CDCA7L: variants seen among roughly 807,000 people sequenced by gnomAD.
CDCA7L encodes the protein cell division cycle-associated 7-like protein.
Under a neutral mutation model 57.4 loss-of-function variants are expected in CDCA7L, and 44 were observed. The ratio of observed to expected loss-of-function variants is 0.77; its 90% CI spans 0.60 to 0.98. The LOEUF (loss-of-function observed/expected upper bound fraction) is 0.98, where lower values mean the gene tolerates loss of function less well. Among genes scored for constraint, CDCA7L ranks in the 50% least tolerant of loss-of-function variants. The pLI is 0.00. For synonymous variants in CDCA7L, 236 were observed against 202.8 expected, an observed-to-expected ratio of 1.16 and a Z score of -1.39; for missense variants, 644 against 580.6, an observed-to-expected ratio of 1.11 and a Z score of -1.12.
At chr7:21,938,396 G>T (rs887310889) in intron 1 of CDCA7L, among the ~76,000 whole-genome samples, 2 of 151,904 alleles carry the variant, frequency 1.3e-5, no homozygotes, top group African/African-American at 4.8e-5. Context: ...ATCCAGGAAA[G>T]AACTAGGGCT....
intron 1 of CDCA7L, among the ~76,000 whole-genome samples, chr7:21,925,346 G>A (rs1249961406): frequency 6.6e-6 from 1 of 152,128 alleles, no homozygotes; most frequent in African/African-American, 2.4e-5. Flanking sequence ...GCAACATTTT[G>A]CTTCCATTTT....
At chr7:21,919,571 G>C (rs553534423) in intron 1 of CDCA7L, among the ~76,000 whole-genome samples, 20 of 152,214 alleles carry the variant, frequency 1.3e-4, no homozygotes, top group South Asian at 8.3e-4. Context: ...TCTTTGGACA[G>C]AGCAAGGATA....
At chr7:21,941,290 A>G (rs1212876878) in intron 1 of CDCA7L, among the ~76,000 whole-genome samples, 2 of 152,210 alleles carry the variant, frequency 1.3e-5, no homozygotes, top group Non-Finnish European at 2.9e-5. Flanking sequence ...GAAAACTGTA[A>G]AGATCTCTAC....
At chr7:21,909,188 C>G (rs1785236694) in intron 3 of CDCA7L, among the ~76,000 whole-genome samples, 1 of 152,218 alleles carries the variant, frequency 6.6e-6, no homozygotes, top group Non-Finnish European at 1.5e-5. Flanking sequence ...CTCCAGCATT[C>G]AAACATTGCT....
intron 1 of CDCA7L, among the ~76,000 whole-genome samples, chr7:21,928,616 G>T (rs1255400999): frequency 1.3e-5 from 2 of 151,942 alleles, no homozygotes; most frequent in Admixed American, 6.6e-5. Context: ...TAAATGACCT[G>T]ATGGAGCTGA....
intron 1 of CDCA7L, among the ~76,000 whole-genome samples, chr7:21,935,779 T>G (rs1318382895): frequency 1.3e-5 from 2 of 151,850 alleles, no homozygotes; most frequent in African/African-American, 4.8e-5. Flanking sequence ...GAGGCAGAGG[T>G]GGGTGGATCA....
In CDCA7L at chr7:21,902,293, T is replaced by A. The variant is rs758916889; in HGVS notation, c.*29A>T. The A allele has an allele frequency of 2.5e-6, 4 of 1,603,498 alleles. No individual in the cohort carries two copies. Among genetic ancestry groups the A allele is most frequent in the Non-Finnish European group, 3.4e-6 (4 of 1,170,376 alleles). On this transcript the variant is annotated 3_prime_UTR_variant, in exon 10 of 10. Coordinates refer to ENST00000406877, the MANE Select transcript of CDCA7L (RefSeq NM_018719.5). ...CATGTCTTGTTGGAGTACTCTATGG[T>A]GAGGTGGCTGGTTCTGTTTGTTTTC... is the stretch of plus-strand genomic sequence containing the variant.
At chr7:21,926,349 G>A (rs1401925622) in intron 1 of CDCA7L, among the ~76,000 whole-genome samples, 1 of 152,090 alleles carries the variant, frequency 6.6e-6, no homozygotes, top group East Asian at 1.9e-4. Context: ...GCAAGAAAGT[G>A]AAAAGAAAAA....
In CDCA7L at chr7:21,901,458, C is replaced by T. The variant is rs1409286516; in HGVS notation, c.*864G>A. ...AGCGTGGTGGCACACGACTGTAATCCCAGTTACTCAGGAGGTAGGAGAATC... is the reference window on the plus strand; with the variant it reads ...AGCGTGGTGGCACACGACTGTAATCTCAGTTACTCAGGAGGTAGGAGAATC... On this transcript the variant is annotated 3_prime_UTR_variant, in exon 10 of 10. Coordinates refer to ENST00000406877, the MANE Select transcript of CDCA7L (RefSeq NM_018719.5). The T allele has an allele frequency of 1.3e-5, 8 of 610,656 alleles. No homozygotes were observed. In the South Asian group the frequency reaches 4.2e-4, roughly 32 times the overall value. The allele number at this position is 610,656 out of a possible 1,614,324, so 37.8% of individuals were successfully genotyped here. A position where few individuals can be genotyped will look rare whatever the true frequency, so the allele number is the denominator to read the frequency against.
chr7:21,915,470 A>G (rs752909974), intron 2 of CDCA7L, among the ~76,000 whole-genome samples: 1 of 152,020 alleles, frequency 6.6e-6, no homozygotes, highest in Non-Finnish European at 1.5e-5. Flanking sequence ...GAACATCTGC[A>G]TTTAGGGACA....
At chr7:21,915,247 A>C (rs6978094) in intron 2 of CDCA7L, among the ~76,000 whole-genome samples, 34,654 of 151,958 alleles carry the variant, frequency 0.23, 4,523 homozygotes, top group East Asian at 0.51. Flanking sequence ...GATGGAAATC[A>C]AGATGGGGAA....
At chr7:21,940,691 C>T (rs929389862) in intron 1 of CDCA7L, among the ~76,000 whole-genome samples, 1 of 152,228 alleles carries the variant, frequency 6.6e-6, no homozygotes, top group Non-Finnish European at 1.5e-5. Flanking sequence ...GGAGAACCTG[C>T]TGTAGATGCA....
intron 1 of CDCA7L, among the ~76,000 whole-genome samples, chr7:21,941,875 CA>C (rs1786351150): frequency 1.3e-5 from 2 of 152,170 alleles, no homozygotes; most frequent in Non-Finnish European, 2.9e-5. Flanking sequence ...TGATAGTTTC[CA>C]TTCCTTGGGG....
chr7:21,907,326 G>A lies in CDCA7L; in HGVS notation c.682-687C>T, dbSNP rs977926352. Among the ~76,000 whole-genome samples, 15 of 152,184 alleles carry A rather than the reference G, an allele frequency of 9.9e-5. No homozygotes were observed. The Middle Eastern group carries it at 0.01, about 104-fold the overall frequency. Reference sequence around the variant, plus strand: ...ATGTTTCTTAGGATAAAAATAATCCGAAAGTAGGCATTCCATTTTTGTAAG... The same window carrying A: ...ATGTTTCTTAGGATAAAAATAATCCAAAAGTAGGCATTCCATTTTTGTAAG... On this transcript the variant is annotated intron_variant, in intron 4 of 9. Transcript: ENST00000406877.
At chr7:21,913,778 G>A (rs891012639) in intron 2 of CDCA7L, among the ~76,000 whole-genome samples, 1 of 152,220 alleles carries the variant, frequency 6.6e-6, no homozygotes, top group African/African-American at 2.4e-5. Context: ...CCAGGGCAAT[G>A]GGCATCTTGG....
At position 21,900,973 on chromosome 7, in the gene CDCA7L, C is replaced by CCACACAATT. The variant is rs1730737562; in HGVS notation, c.*1340_*1348dup. 4.6e-6 allele frequency: 7 copies of CCACACAATT among 1,533,988 alleles called. No individual in the cohort carries two copies. Among genetic ancestry groups the CCACACAATT allele is most frequent in the Non-Finnish European group, 6.1e-6 (7 of 1,141,442 alleles). ...GATCATTATCATTAGTAGCAAGCTG[C>CCACACAATT]CACACAATTGCAACCGCTGTGTTTT... On this transcript the variant is annotated 3_prime_UTR_variant, in exon 10 of 10. Transcript: ENST00000406877.
chr7:21,936,253 AAAG>A (rs1297574439), intron 1 of CDCA7L, among the ~76,000 whole-genome samples: 4 of 152,352 alleles, frequency 2.6e-5, no homozygotes, highest in East Asian at 1.9e-4. Flanking sequence ...CCAAACATTT[AAAG>A]AAGAACAAAC....
intron 1 of CDCA7L, among the ~76,000 whole-genome samples, chr7:21,938,099 T>C (rs1047101749): frequency 6.6e-6 from 1 of 152,112 alleles, no homozygotes; most frequent in Non-Finnish European, 1.5e-5. Context: ...CAAAGGGCGC[T>C]ATCAAGACAG....
chr7:21,926,891 A>G (rs963207934), intron 1 of CDCA7L, among the ~76,000 whole-genome samples: 1 of 152,066 alleles, frequency 6.6e-6, no homozygotes, highest in East Asian at 1.9e-4. Context: ...TAATAATAAC[A>G]ATAATAATAA....
Sources: gnomAD v4.1 joint callset for allele counts (sites outside exome capture counted in the v4.1 genomes callset) on GRCh38, gnomAD v4.1.1 for gene constraint, MANE v1.5 for transcripts, NCBI Gene and HGNC (gene_info 2026-07-23, HGNC 2026-07-21) for gene names.